The following THSD7A variants were observed in gnomAD, a reference collection of about 807,000 sequenced individuals.
THSD7A encodes the protein thrombospondin type 1 domain containing 7A.
Under a neutral mutation model 231.3 loss-of-function variants are expected in THSD7A, and 96 were observed. The ratio of observed to expected loss-of-function variants is 0.41; its 90% confidence interval spans 0.35 to 0.49. The LOEUF (loss-of-function observed/expected upper bound fraction) is 0.49, where lower values mean the gene tolerates loss of function less well. Among genes scored for constraint, THSD7A ranks in the 20% least tolerant of loss-of-function variants. THSD7A has a pLI of 0.05. For synonymous variants in THSD7A, 940 were observed against 743.3 expected, an observed-to-expected ratio of 1.26 and a Z score of -4.30; for missense variants, 2,290 against 2,070.2, an observed-to-expected ratio of 1.11 and a Z score of -2.06.
chr7:11,476,255 T>A (rs1034351904), intron 7 of THSD7A, among the ~76,000 whole-genome samples: 12 of 151,202 alleles, frequency 7.9e-5, no homozygotes, highest in Non-Finnish European at 1.8e-4. Flanking sequence ...TATTTATACG[T>A]TAAGGCAAGA....
At chr7:11,713,098 T>G (rs1180526855) in intron 1 of THSD7A, among the ~76,000 whole-genome samples, 1 of 151,140 alleles carries the variant, frequency 6.6e-6, no homozygotes, top group African/African-American at 2.4e-5. Flanking sequence ...AAACACAGGA[T>G]GCCTTGATCT....
chr7:11,459,273 A>T (rs1369140006), intron 11 of THSD7A, among the ~76,000 whole-genome samples: 1 of 152,240 alleles, frequency 6.6e-6, no homozygotes, highest in East Asian at 1.9e-4. Context: ...TAGTAAAAGA[A>T]TGGAGACTAA....
At chr7:11,820,461 C>A in intron 1 of THSD7A, 1 of 1,258,264 alleles carries the variant, frequency 7.9e-7, no homozygotes, top group Non-Finnish European at 1.1e-6. Flanking sequence ...TGAACCGGCC[C>A]TGACCCGGAG....
chr7:11,419,208 G>C (rs964338542), intron 16 of THSD7A, among the ~76,000 whole-genome samples: 1 of 152,024 alleles, frequency 6.6e-6, no homozygotes, highest in Non-Finnish European at 1.5e-5. Context: ...GATTTCTCTT[G>C]ATATGATTTG....
intron 23 of THSD7A, chr7:11,385,284 C>T (rs1182741714): frequency 2.6e-5 from 4 of 151,882 alleles, no homozygotes; most frequent in African/African-American, 9.7e-5. Context: ...AATTCTTAAA[C>T]TTCTGATGAC....
At chr7:11,449,840 A>G (rs73677707) in intron 11 of THSD7A, among the ~76,000 whole-genome samples, 2,906 of 152,120 alleles carry the variant, frequency 0.019, 81 homozygotes, top group African/African-American at 0.064. Flanking sequence ...ATTGATAAAG[A>G]GAAAGATATT....
At chr7:11,522,540 G>T (rs918285602) in intron 6 of THSD7A, among the ~76,000 whole-genome samples, 1 of 151,996 alleles carries the variant, frequency 6.6e-6, no homozygotes, top group Non-Finnish European at 1.5e-5. Context: ...GGTTGCTACC[G>T]TATTAGACAA....
At position 11,619,275 on chromosome 7, in the gene THSD7A, C is replaced by T. The variant is rs550410695; in HGVS notation, c.1022+16855G>A. On this transcript the variant is annotated intron_variant, in intron 2 of 27. Coordinates refer to ENST00000423059, the MANE Select transcript of THSD7A (RefSeq NM_015204.3). ...TGCCCAGATGTGATTTAACTATGATCTTTGTCTTTATCTAAGCATGAACAA... is the reference window on the plus strand; with the variant it reads ...TGCCCAGATGTGATTTAACTATGATTTTTGTCTTTATCTAAGCATGAACAA... Among the ~76,000 whole-genome samples the T allele has an allele frequency of 1.3e-4, 19 of 151,900 alleles. No individual in the cohort carries two copies. The South Asian group carries it at 3.9e-3, about 32-fold the overall frequency.
At chr7:11,489,535 G>T (rs998413485) in intron 6 of THSD7A, among the ~76,000 whole-genome samples, 6 of 152,056 alleles carry the variant, frequency 3.9e-5, no homozygotes, top group African/African-American at 1.2e-4. Context: ...AACATTGAGG[G>T]AAATAGTGCT....
chr7:11,401,706 G>A lies in THSD7A; in HGVS notation c.4411+89C>T, dbSNP rs562076372. On this transcript the variant is annotated intron_variant, in intron 23 of 27. Transcript: ENST00000423059. ...GGATTACAGGCGTGAGCCACCGCAC[G>A]TGGCCAACTTTGTTTATTTTTAACA... 214 of 1,295,128 alleles carry A rather than the reference G, an allele frequency of 1.7e-4. 2 individuals are homozygous for A. The South Asian group carries it at 1.7e-3, about 10-fold the overall frequency. 80.2% of individuals were successfully genotyped at this position (1,295,128 alleles called of 1,614,324 possible).
At chr7:11,391,026 C>T (rs926110062) in intron 23 of THSD7A, among the ~76,000 whole-genome samples, 17 of 152,318 alleles carry the variant, frequency 1.1e-4, no homozygotes, top group African/African-American at 3.6e-4. Context: ...TATGAAGTGT[C>T]TTTTGTCCCC....
chr7:11,382,465 A>G (rs1445096621), intron 24 of THSD7A, 56 bp downstream of exon 24: 3 of 1,371,352 alleles, frequency 2.2e-6, no homozygotes, highest in Admixed American at 1.8e-5. Flanking sequence ...TCTTCAACCA[A>G]TCACATGTGT....
At chr7:11,379,036 G>T in intron 26 of THSD7A, 34 bp downstream of exon 26, 1 of 1,604,488 alleles carries the variant, frequency 6.2e-7, no homozygotes, top group African/African-American at 1.3e-5. Flanking sequence ...AAGAACTAAA[G>T]GTTTCTCTTT....
chr7:11,558,959 C>T (rs753671614), intron 4 of THSD7A, among the ~76,000 whole-genome samples: 1 of 142,778 alleles, frequency 7.0e-6, no homozygotes, highest in South Asian at 2.3e-4. Context: ...TTCTCGAGTG[C>T]GTTAGAAAGA....
chr7:11,500,692 C>G (rs769817897), intron 6 of THSD7A, among the ~76,000 whole-genome samples: 23 of 151,992 alleles, frequency 1.5e-4, no homozygotes, highest in Non-Finnish European at 2.5e-4. Flanking sequence ...GTAATCCCAG[C>G]ACTTTAGGGG....
In THSD7A at chr7:11,721,632, C is replaced by T. The variant is rs114913160; in HGVS notation, c.191-84671G>A. 4.8e-3 allele frequency among the ~76,000 whole-genome samples: 729 copies of T among 151,960 alleles called. 5 individuals carry two copies. The highest frequency in any genetic ancestry group is 0.017 in the African/African-American group (689 of 41,528). Reference sequence around the variant, plus strand: ...ACCTAAAGCAGCCACTGATGCCTCTCATCTGGATTACTACTGATAGAAGCT... The same window carrying T: ...ACCTAAAGCAGCCACTGATGCCTCTTATCTGGATTACTACTGATAGAAGCT... On this transcript the variant is annotated intron_variant, in intron 1 of 27. Coordinates refer to ENST00000423059, the MANE Select transcript of THSD7A (RefSeq NM_015204.3).
intron 1 of THSD7A, among the ~76,000 whole-genome samples, chr7:11,639,638 A>C (rs1782002325): frequency 6.6e-6 from 1 of 152,038 alleles, no homozygotes; most frequent in African/African-American, 2.4e-5. Flanking sequence ...ACTGCACTCC[A>C]GCCTGGGCAA....
At chr7:11,797,123 T>C (rs1370739239) in intron 1 of THSD7A, among the ~76,000 whole-genome samples, 12 of 152,142 alleles carry the variant, frequency 7.9e-5, no homozygotes, top group Admixed American at 7.9e-4. Flanking sequence ...AAACAATTCA[T>C]TGACTAGTGA....
chr7:11,561,376 G>A (rs1790070437), intron 4 of THSD7A, among the ~76,000 whole-genome samples: 2 of 152,118 alleles, frequency 1.3e-5, no homozygotes, highest in Admixed American at 1.3e-4. Flanking sequence ...TCTGACTTCT[G>A]TGCCGCAGTG....
Sources: gnomAD v4.1 joint callset for allele counts (sites outside exome capture counted in the v4.1 genomes callset) on GRCh38, gnomAD v4.1.1 for gene constraint, MANE v1.5 for transcripts, NCBI Gene and HGNC (gene_info 2026-07-23, HGNC 2026-07-21) for gene names.